The following GLI2 variants were observed in gnomAD, a reference collection of about 807,000 sequenced individuals.
GLI2 encodes the protein transcription activator GLI2.
In GLI2, 22 loss-of-function variants were observed where a neutral mutation model predicts 78.9. The ratio of observed to expected loss-of-function variants is 0.28; its 90% CI spans 0.20 to 0.40. The LOEUF (loss-of-function observed/expected upper bound fraction) is 0.40. Ranked by LOEUF, GLI2 falls within the 10% of genes least tolerant of loss-of-function variation. The pLI is 1.00. For missense variants in GLI2, 2,097 were observed against 2,213.2 expected (o/e 0.95, Z 1.05); for synonymous variants, 974 against 963.7 (o/e 1.01, Z -0.20).
At chr2:120,821,263 T>C (rs1457038530) in intron 2 of GLI2, among the ~76,000 whole-genome samples, 4 of 152,020 alleles carry the variant, frequency 2.6e-5, no homozygotes, top group Admixed American at 2.6e-4. Context: ...TGGATAGAGT[T>C]TACTAGGACA....
At chr2:120,765,004 G>A (rs1416394454) in intron 1 of GLI2, among the ~76,000 whole-genome samples, 4 of 152,186 alleles carry the variant, frequency 2.6e-5, no homozygotes, top group Non-Finnish European at 5.9e-5. Flanking sequence ...AGCAGAAGTG[G>A]CAGAGGTGGT....
intron 3 of GLI2, among the ~76,000 whole-genome samples, chr2:120,947,652 G>C (rs1382254592): frequency 6.6e-6 from 1 of 152,146 alleles, no homozygotes; most frequent in Non-Finnish European, 1.5e-5. Context: ...GGGAGTTAAT[G>C]CATATAAACC....
intron 3 of GLI2, among the ~76,000 whole-genome samples, chr2:120,931,030 C>T (rs965388497): frequency 1.3e-5 from 2 of 152,254 alleles, no homozygotes; most frequent in Non-Finnish European, 2.9e-5. Flanking sequence ...ATGGCCTACA[C>T]AGCTCCTTCA....
intron 2 of GLI2, among the ~76,000 whole-genome samples, chr2:120,806,270 C>T (rs1056692117): frequency 5.3e-5 from 8 of 152,138 alleles, no homozygotes; most frequent in Admixed American, 2.6e-4. Flanking sequence ...GGCTGTGGGG[C>T]ACCCGGGCCT....
chr2:120,967,451 G>A (rs766913610), intron 5 of GLI2, among the ~76,000 whole-genome samples: 11 of 152,202 alleles, frequency 7.2e-5, no homozygotes, highest in Non-Finnish European at 1.0e-4. Flanking sequence ...CTAGGCCACC[G>A]TTTGTTCAGG....
intron 2 of GLI2, among the ~76,000 whole-genome samples, chr2:120,897,533 G>A (rs112607132): frequency 0.019 from 2,953 of 152,238 alleles, 104 homozygotes; most frequent in African/African-American, 0.068. Flanking sequence ...GTAGGCACAG[G>A]GTTTTTGGAG....
chr2:120,818,828 G>A (rs1412914810), intron 2 of GLI2, among the ~76,000 whole-genome samples: 1 of 152,180 alleles, frequency 6.6e-6, no homozygotes. Flanking sequence ...AGGGCCACCC[G>A]GCTAGTAAGT....
intron 1 of GLI2, among the ~76,000 whole-genome samples, chr2:120,771,890 A>G (rs1683532719): frequency 6.6e-6 from 1 of 152,224 alleles, no homozygotes; most frequent in Non-Finnish European, 1.5e-5. Context: ...CGGTGCTTGC[A>G]GACTGCACAG....
intron 2 of GLI2, among the ~76,000 whole-genome samples, chr2:120,923,068 G>GCA (rs370240979): frequency 4.6e-5 from 7 of 151,044 alleles, no homozygotes; most frequent in African/African-American, 9.7e-5. Flanking sequence ...CACACATATG[G>GCA]CACACACACA....
Position 120,927,386 on chromosome 2 carries a change from C to T in GLI2, c.174C>T (p.Phe58=). Residue 58 remains phenylalanine, a synonymous_variant, in exon 3 of 14, where the codon TTC becomes TTT. Coordinates refer to ENST00000361492, the MANE Select transcript of GLI2 (RefSeq NM_001374353.1). ...TGCCGCAGCATCTCTTGCCACCATT[C>T]CATGCGCCCCTACCGATTGACATGC... is the stretch of plus-strand genomic sequence containing the variant. ...QGVPQHLLPP[F]HAPLPIDMRH... 1.2e-6 allele frequency: 2 copies of T among 1,613,770 alleles called. No homozygotes were observed. The highest frequency in any genetic ancestry group is 1.3e-5 in the African/African-American group (1 of 75,048).
intron 5 of GLI2, among the ~76,000 whole-genome samples, chr2:120,960,167 G>GC (rs1681476855): frequency 6.6e-6 from 1 of 152,230 alleles, no homozygotes; most frequent in South Asian, 2.1e-4. Context: ...CACAAGCCCT[G>GC]CCTTCCTGGT....
At chr2:120,881,734 TGCG>T (rs368580263) in intron 2 of GLI2, among the ~76,000 whole-genome samples, 1 of 4,322 alleles carries the variant, frequency 2.3e-4, no homozygotes, top group Non-Finnish European at 4.7e-4. Flanking sequence ...GGGAGGACAG[TGCG>T]GGGGAGAACA....
intron 2 of GLI2, among the ~76,000 whole-genome samples, chr2:120,805,230 C>A (rs568642027): frequency 1.3e-5 from 2 of 152,248 alleles, no homozygotes; most frequent in Non-Finnish European, 2.9e-5. Context: ...GGCCGCAGCC[C>A]GGGGTCTGGA....
At chr2:120,908,914 TGAG>T (rs1304391684) in intron 2 of GLI2, among the ~76,000 whole-genome samples, 4 of 152,120 alleles carry the variant, frequency 2.6e-5, no homozygotes, top group African/African-American at 9.7e-5. Flanking sequence ...AGATGCAGGC[TGAG>T]AAGGCTTCAC....
intron 1 of GLI2, among the ~76,000 whole-genome samples, chr2:120,739,088 G>C (rs951508034): frequency 2.6e-5 from 4 of 152,326 alleles, no homozygotes; most frequent in African/African-American, 9.6e-5. Flanking sequence ...CTTGGGGGCT[G>C]TGTACTGTAG....
intron 1 of GLI2, among the ~76,000 whole-genome samples, chr2:120,746,359 A>C (rs943290028): frequency 3.3e-5 from 5 of 152,106 alleles, no homozygotes; most frequent in African/African-American, 1.2e-4. Context: ...AGCCTTGTGG[A>C]GCACCTGTGT....
At position 120,774,185 on chromosome 2, in the gene GLI2, C is replaced by T. The variant is rs185134761; in HGVS notation, c.-30-23106C>T. On this transcript the variant is annotated intron_variant, in intron 1 of 13. Transcript: ENST00000361492. ...GTCTGGCTGAACTGGGCCTTCCATT[C>T]ACCAATAACTAGTACAAGTGAAAGA... is the stretch of plus-strand genomic sequence containing the variant. Among the ~76,000 whole-genome samples the T allele has an allele frequency of 1.1e-3, 169 of 152,274 alleles. 2 individuals are homozygous for T. The highest frequency in any genetic ancestry group is 0.011 in the Admixed American group (165 of 15,290).
chr2:120,988,076 G>A, intron 13 of GLI2, 132 bp from the exon 14 acceptor site: 3 of 711,100 alleles, frequency 4.2e-6, no homozygotes, highest in Non-Finnish European at 6.7e-6. Flanking sequence ...GAGAAAGAAA[G>A]CATGCATCTC....
intron 2 of GLI2, among the ~76,000 whole-genome samples, chr2:120,878,651 T>G (rs1167424955): frequency 6.6e-6 from 1 of 152,186 alleles, no homozygotes; most frequent in Non-Finnish European, 1.5e-5. Context: ...TAAAAATCTT[T>G]CGGCCAGGCA....
Sources: gnomAD v4.1 joint callset for allele counts (sites outside exome capture counted in the v4.1 genomes callset) on GRCh38, gnomAD v4.1.1 for gene constraint, MANE v1.5 for transcripts, NCBI Gene and HGNC (gene_info 2026-07-23, HGNC 2026-07-21) for gene names.